The following SGCZ variants were observed in gnomAD, a reference collection of about 807,000 sequenced individuals.
SGCZ encodes the protein zeta-sarcoglycan.
Under a neutral mutation model 41.3 loss-of-function variants are expected in SGCZ, and 40 were observed. The ratio of observed to expected loss-of-function variants is 0.97; its 90% CI spans 0.75 to 1.26. The LOEUF (loss-of-function observed/expected upper bound fraction) is 1.26, where lower values mean the gene tolerates loss of function less well. SGCZ is among the 50% of genes most tolerant of loss of function. SGCZ has a pLI of 0.00. For synonymous variants in SGCZ, 206 were observed against 137.5 expected (o/e 1.50, Z -3.49); for missense variants, 552 against 369.8 (o/e 1.49, Z -4.04).
chr8:14,849,095 T>C (rs1452991064), intron 1 of SGCZ, among the ~76,000 whole-genome samples: 1 of 152,152 alleles, frequency 6.6e-6, no homozygotes, highest in Non-Finnish European at 1.5e-5. Context: ...CATCATTATT[T>C]ATTAAAATAT....
chr8:14,168,198 G>C (rs138232384), intron 4 of SGCZ, among the ~76,000 whole-genome samples: 3 of 152,230 alleles, frequency 2.0e-5, no homozygotes, highest in African/African-American at 7.2e-5. Flanking sequence ...ACAAAAATGA[G>C]ATTCAAAATT....
chr8:14,796,973 TC>T (rs1471850073), intron 1 of SGCZ, among the ~76,000 whole-genome samples: 1 of 152,182 alleles, frequency 6.6e-6, no homozygotes, highest in Non-Finnish European at 1.5e-5. Context: ...TCCTGATGCC[TC>T]CCCAGCCGTG....
intron 2 of SGCZ, among the ~76,000 whole-genome samples, chr8:14,423,868 T>C (rs1799704421): frequency 6.6e-6 from 1 of 152,166 alleles, no homozygotes; most frequent in Non-Finnish European, 1.5e-5. Context: ...GCCACCATTT[T>C]TTCCTTTTTT....
intron 4 of SGCZ, among the ~76,000 whole-genome samples, chr8:14,209,289 A>G (rs1805719208): frequency 6.6e-6 from 1 of 152,146 alleles, no homozygotes; most frequent in Admixed American, 6.5e-5. Context: ...GTGGGCCAGA[A>G]TTCTTATTCA....
At chr8:14,899,409 C>G (rs1002025137) in intron 1 of SGCZ, among the ~76,000 whole-genome samples, 1 of 152,102 alleles carries the variant, frequency 6.6e-6, no homozygotes, top group African/African-American at 2.4e-5. Context: ...ATTTTATAGT[C>G]TACTTGCCAA....
At chr8:14,185,177 G>C (rs1021763884) in intron 4 of SGCZ, among the ~76,000 whole-genome samples, 1 of 151,988 alleles carries the variant, frequency 6.6e-6, no homozygotes. Flanking sequence ...CAAGAGGGGT[G>C]GATCACGAGG....
intron 1 of SGCZ, among the ~76,000 whole-genome samples, chr8:15,091,566 C>A (rs769448127): frequency 4.6e-5 from 7 of 152,246 alleles, no homozygotes; most frequent in East Asian, 1.9e-4. Context: ...ATCACCAAAG[C>A]ACCGTGTTAA....
At chr8:14,152,946 A>G (rs1018709283) in intron 5 of SGCZ, among the ~76,000 whole-genome samples, 3 of 152,152 alleles carry the variant, frequency 2.0e-5, no homozygotes, top group Non-Finnish European at 4.4e-5. Context: ...ATACCATATG[A>G]TTCTGAATAT....
rs572744611 is a variant in SGCZ, at chr8:14,370,741, G to A, written c.235-46537C>T. On this transcript the variant is annotated intron_variant, in intron 2 of 7. Transcript: ENST00000382080. ...TTTTTTCTGTCTAATGAGTAAGCAG[G>A]ATCTAGCTCAAAGGTTAGCATATAT... Among the ~76,000 whole-genome samples, 315 of 151,792 alleles carry A rather than the reference G, an allele frequency of 2.1e-3. 4 individuals are homozygous for A. The highest frequency in any genetic ancestry group is 0.012 in the South Asian group (56 of 4,830).
intron 5 of SGCZ, chr8:14,162,699 C>T (rs1277263059): frequency 1.3e-5 from 2 of 152,254 alleles, no homozygotes; most frequent in African/African-American, 2.4e-5. Flanking sequence ...ATCCTAAACA[C>T]TCACCCAATG....
intron 1 of SGCZ, among the ~76,000 whole-genome samples, chr8:14,831,391 G>C (rs920294205): frequency 6.6e-6 from 1 of 152,194 alleles, no homozygotes; most frequent in Non-Finnish European, 1.5e-5. Context: ...TGTGTTATCT[G>C]GGGCTACCAT....
At chr8:14,266,567 T>C (rs1052222025) in intron 3 of SGCZ, among the ~76,000 whole-genome samples, 14 of 151,950 alleles carry the variant, frequency 9.2e-5, no homozygotes, top group African/African-American at 1.7e-4. Flanking sequence ...AGGGACAAAA[T>C]AGGGAACTGA....
intron 1 of SGCZ, among the ~76,000 whole-genome samples, chr8:15,081,235 C>G (rs773749049): frequency 6.6e-6 from 1 of 152,070 alleles, no homozygotes; most frequent in African/African-American, 2.4e-5. Flanking sequence ...GAAAATGAAG[C>G]TTTTGTCCAA....
intron 1 of SGCZ, among the ~76,000 whole-genome samples, chr8:14,752,883 T>A (rs4282): frequency 0.69 from 105,100 of 151,936 alleles, 36,742 homozygotes; most frequent in East Asian, 0.82. Flanking sequence ...ATCAAAGCAC[T>A]ATCTGTGTTT....
chr8:14,563,310 T>C (rs1397562321), intron 1 of SGCZ, among the ~76,000 whole-genome samples: 3 of 152,138 alleles, frequency 2.0e-5, no homozygotes, highest in African/African-American at 7.2e-5. Context: ...AAAATGGAAG[T>C]GGAAGAAGGA....
chr8:14,259,935 AC>A (rs1257464070), intron 3 of SGCZ, among the ~76,000 whole-genome samples: 4 of 152,196 alleles, frequency 2.6e-5, no homozygotes, highest in South Asian at 2.1e-4. Flanking sequence ...GATTCTTCCT[AC>A]CCATGAGCAT....
chr8:14,454,825 A>C (rs775030891), intron 2 of SGCZ, among the ~76,000 whole-genome samples: 2 of 152,180 alleles, frequency 1.3e-5, no homozygotes, highest in Non-Finnish European at 2.9e-5. Flanking sequence ...CTAAGTAGCC[A>C]TTTAAAAATA....
At chr8:14,390,986 T>A (rs908984751) in intron 2 of SGCZ, among the ~76,000 whole-genome samples, 1 of 152,058 alleles carries the variant, frequency 6.6e-6, no homozygotes, top group Non-Finnish European at 1.5e-5. Context: ...TGAAAAAGCA[T>A]AGCAAATAAA....
At chr8:14,229,571 T>G (rs1806488624) in intron 4 of SGCZ, among the ~76,000 whole-genome samples, 1 of 152,056 alleles carries the variant, frequency 6.6e-6, no homozygotes, top group Non-Finnish European at 1.5e-5. Flanking sequence ...AATCTATCCT[T>G]CAAGATTTGC....
Sources: allele counts gnomAD v4.1 joint callset (sites outside exome capture counted in the v4.1 genomes callset), GRCh38; gene constraint gnomAD v4.1.1; transcripts MANE v1.5; gene names NCBI Gene and HGNC (gene_info 2026-07-23, HGNC 2026-07-21).